The following SYCP2 variants were observed in gnomAD, a reference collection of about 807,000 sequenced individuals.
The protein encoded by SYCP2 is synaptonemal complex protein 2.
SYCP2 carries 55 observed loss-of-function variants against 211.3 expected under a neutral mutation model. The ratio of observed to expected loss-of-function variants is 0.26; its 90% CI spans 0.21 to 0.33. SYCP2 has a LOEUF of 0.33. Ranked by LOEUF, SYCP2 falls within the 10% of genes least tolerant of loss-of-function variation. The pLI is 1.00. For synonymous variants in SYCP2, 570 were observed against 555.2 expected (o/e 1.03, Z -0.37); for missense variants, 1,731 against 1,752.0 (o/e 0.99, Z 0.21).
chr20:59,922,522 A>G (rs762841257), intron 2 of SYCP2, 63 bp from the exon 3 acceptor site: 2 of 820,830 alleles, frequency 2.4e-6, no homozygotes, highest in East Asian at 2.7e-5. Flanking sequence ...ATCAGTTTAA[A>G]TATCTTACAC....
intron 18 of SYCP2, among the ~76,000 whole-genome samples, chr20:59,899,575 C>G (rs1323259260): frequency 6.6e-6 from 1 of 152,062 alleles, no homozygotes; most frequent in Admixed American, 6.6e-5. Context: ...GAAAGTTTTT[C>G]TAATGTAGTA....
At position 59,865,946 on chromosome 20, in the gene SYCP2, A is replaced by C. The variant is rs186756538; in HGVS notation, c.4321-81T>G. 9.2e-3 allele frequency: 5,395 copies of C among 587,206 alleles called. 43 individuals carry two copies. Among genetic ancestry groups the C allele is most frequent in the South Asian group, 0.02 (506 of 25,810 alleles). 36.4% of individuals were successfully genotyped at this position (587,206 alleles called of 1,614,324 possible). On this transcript the variant is annotated intron_variant, in intron 41 of 44. Transcript: ENST00000357552. The stretch of plus-strand genomic sequence containing the variant: ...ATCCAGTTAAACTTTAATATGATTA[A>C]AAATTAAAATCCAACAGTAGAATTA...
rs1024601070 is a variant in SYCP2, at chr20:59,875,400, C to T, written c.3220G>A (p.Glu1074Lys). 3 of 1,612,768 alleles carry T rather than the reference C, an allele frequency of 1.9e-6. No individual in the cohort carries two copies. The highest frequency in any genetic ancestry group is 4.5e-5 in the East Asian group (2 of 44,694). ...PKKQQKVFCA[E>K]TEKELSKQWK... ...TGTTTTGATAGTTCCTTTTCTGTTT[C>T]AGCACAGAAGACTTTCTGTTGTTTC... The change falls in exon 34 of 45, where the codon GAA becomes AAA. Residue 1074 changes from glutamate (E) to lysine (K), a missense_variant. Transcript: ENST00000357552.
intron 24 of SYCP2, among the ~76,000 whole-genome samples, chr20:59,889,050 T>C (rs1195743223): frequency 6.6e-6 from 1 of 152,018 alleles, no homozygotes; most frequent in Non-Finnish European, 1.5e-5. Context: ...CAGTTCTTCC[T>C]AACGATCTAT....
intron 24 of SYCP2, among the ~76,000 whole-genome samples, chr20:59,891,247 T>C (rs758661069): frequency 7.2e-5 from 11 of 151,978 alleles, no homozygotes; most frequent in Non-Finnish European, 1.3e-4. Flanking sequence ...AAAAAGCAGA[T>C]TGCATTACCT....
intron 26 of SYCP2, among the ~76,000 whole-genome samples, chr20:59,885,409 G>A (rs1327191512): frequency 3.9e-5 from 6 of 152,088 alleles, no homozygotes; most frequent in African/African-American, 1.4e-4. Context: ...AACCGAAACT[G>A]GGCTAATAGG....
At chr20:59,919,780 A>G (rs1213478485) in intron 5 of SYCP2, among the ~76,000 whole-genome samples, 183 bp from the exon 6 acceptor site, 4 of 151,490 alleles carry the variant, frequency 2.6e-5, no homozygotes, top group African/African-American at 7.3e-5. Flanking sequence ...ATCTTTTCCC[A>G]TTGTTTAAAA....
intron 35 of SYCP2, among the ~76,000 whole-genome samples, chr20:59,871,506 C>T (rs574851857): frequency 6.6e-6 from 1 of 151,944 alleles, no homozygotes; most frequent in African/African-American, 2.4e-5. Flanking sequence ...AAAATTCCAT[C>T]TAACACAGAG....
chr20:59,928,622 AAAAC>A (rs1355151019), intron 2 of SYCP2, among the ~76,000 whole-genome samples: 1 of 152,200 alleles, frequency 6.6e-6, no homozygotes, highest in African/African-American at 2.4e-5. Flanking sequence ...TTAAGAATGG[AAAAC>A]AAATGGATCA....
chr20:59,893,099 C>A, intron 22 of SYCP2, 43 bp downstream of exon 22: 1 of 1,321,938 alleles, frequency 7.6e-7, no homozygotes, highest in Non-Finnish European at 1.1e-6. Context: ...CTGAAAACAG[C>A]ATTAGTATAG....
rs1312934955 is a variant in SYCP2, at chr20:59,863,726, A to G, written c.*585T>C. The G allele has an allele frequency of 3.9e-5, 6 of 152,038 alleles. No homozygotes were observed. Among genetic ancestry groups the G allele is most frequent in the Admixed American group, 2.0e-4 (3 of 15,240 alleles). The allele number at this position is 152,038 out of a possible 1,614,324, so 9.4% of individuals were successfully genotyped here. Reference sequence around the variant, plus strand: ...AGCCTGGTTATGAAATAGGACTTCTATATTGAATTAACATATTTAGGCAAT... The same window carrying G: ...AGCCTGGTTATGAAATAGGACTTCTGTATTGAATTAACATATTTAGGCAAT... On this transcript the variant is annotated 3_prime_UTR_variant, in exon 45 of 45. Transcript: ENST00000357552.
At chr20:59,920,333 G>A in intron 5 of SYCP2, 26 bp downstream of exon 5, 1 of 1,526,742 alleles carries the variant, frequency 6.5e-7, no homozygotes, top group Non-Finnish European at 8.9e-7. Flanking sequence ...TCATTCACAT[G>A]AATATGTTAC....
intron 16 of SYCP2, among the ~76,000 whole-genome samples, chr20:59,901,287 T>C (rs1568953886): frequency 6.6e-6 from 1 of 152,076 alleles, no homozygotes; most frequent in Non-Finnish European, 1.5e-5. Flanking sequence ...TTTATGAGCA[T>C]TCTCTTTCTT....
chr20:59,913,837 T>A (rs1159580134), intron 12 of SYCP2, 138 bp downstream of exon 12: 2 of 495,204 alleles, frequency 4.0e-6, no homozygotes, highest in East Asian at 6.7e-5. Flanking sequence ...TTGTTTTAAA[T>A]TATCTATGCA....
At position 59,875,430 on chromosome 20, in the gene SYCP2, G is replaced by C; in HGVS notation, c.3190C>G (p.Pro1064Ala). 6.2e-7 allele frequency: 1 copy of C among 1,612,152 alleles called. No individual in the cohort carries two copies. Among genetic ancestry groups the C allele is most frequent in the Non-Finnish European group, 8.5e-7 (1 of 1,179,088 alleles). ...CAGAAGACTTTCTGTTGTTTCTTTGGTAGCTTTACCGTTTTCATTCTGGAA... is the reference window on the plus strand; with the variant it reads ...CAGAAGACTTTCTGTTGTTTCTTTGCTAGCTTTACCGTTTTCATTCTGGAA... ...IHSRMKTVKLPKKQQKVFCAE... is the reference protein window; with the variant it reads ...IHSRMKTVKLAKKQQKVFCAE... Residue 1064 changes from proline to alanine, a missense_variant, in exon 34 of 45, where the codon CCA (proline) becomes GCA (alanine). By Grantham distance (27) the Pro-to-Ala change is conservative. Coordinates refer to ENST00000357552, the MANE Select transcript of SYCP2 (RefSeq NM_014258.4).
Position 59,877,409 on chromosome 20 carries a change from T to C in SYCP2, c.3126A>G (p.Ser1042=). 6.3e-7 allele frequency: 1 copy of C among 1,590,436 alleles called. No homozygotes were observed. The highest frequency in any genetic ancestry group is 1.2e-5 in the South Asian group (1 of 84,968). Residue 1042 remains serine (S), a synonymous_variant, in exon 33 of 45, where the codon TCA becomes TCG. Coordinates refer to ENST00000357552, the MANE Select transcript of SYCP2 (RefSeq NM_014258.4). ...CCTTTACTGGTATGTTCTCTTTAAA[T>C]GAATGTGAAAATTCTTGTTCACACT... is the stretch of plus-strand genomic sequence containing the variant. ...ESECEQEFSH[S]FKENIPVKEE... is the part of the protein sequence containing the mutation.
intron 33 of SYCP2, 69 bp downstream of exon 33, chr20:59,877,316 T>C (rs1300129979): frequency 1.8e-6 from 2 of 1,095,042 alleles, no homozygotes; most frequent in Non-Finnish European, 2.4e-6. Flanking sequence ...AATTTGACAT[T>C]TTTTACAAAA....
Position 59,882,170 on chromosome 20 carries a change from A to G in SYCP2, c.2530-5T>C. The G allele has an allele frequency of 6.2e-7, 1 of 1,604,012 alleles. No individual in the cohort carries two copies. Among genetic ancestry groups the G allele is most frequent in the Non-Finnish European group, 8.5e-7 (1 of 1,172,528 alleles). ...GCTTTTTTTCTGAACTTTTTCCTGA[A>G]AAGAGGGTTATAAAAAAATCATTAA... On this transcript the variant is annotated splice_polypyrimidine_tract_variant and splice_region_variant and intron_variant, in intron 26 of 44. Coordinates refer to ENST00000357552, the MANE Select transcript of SYCP2 (RefSeq NM_014258.4).
At position 59,900,812 on chromosome 20, in the gene SYCP2, T is replaced by C. The variant is rs762833155; in HGVS notation, c.1189A>G (p.Ile397Val). Residue 397 changes from isoleucine (I) to valine (V), a missense_variant, in exon 17 of 45, where the codon ATC becomes GTC. Physicochemically the swap from Ile to Val is conservative, Grantham distance 29. This residue lies in a region of SYCP2 where 1,387 missense variants were observed against 1,351.3 expected (regional missense o/e 1.03). Coordinates refer to ENST00000357552, the MANE Select transcript of SYCP2 (RefSeq NM_014258.4). ...GCAACTGAAATACCTTGTTTTCTGA[T>C]AGATTCCTAAAATTAAATCAATTCA... ...IFGATKHRESIRKQGISVAKT... is the reference protein window; with the variant it reads ...IFGATKHRESVRKQGISVAKT... The C allele has an allele frequency of 6.2e-6, 10 of 1,609,342 alleles. No homozygotes were observed. In the Admixed American group the frequency reaches 6.7e-5, roughly 11 times the overall value.
Sources: gnomAD v4.1 joint callset for allele counts (sites outside exome capture counted in the v4.1 genomes callset) on GRCh38, gnomAD v4.1.1 for gene constraint, gnomAD v4.1.1 regional missense constraint, MANE v1.5 for transcripts, NCBI Gene and HGNC (gene_info 2026-07-23, HGNC 2026-07-21) for gene names.